Variants in HIF1A observed in about 807,000 individuals in gnomAD.
HIF1A encodes the protein hypoxia-inducible factor 1-alpha.
HIF1A carries 24 observed loss-of-function variants against 92.7 expected under a neutral mutation model. The ratio of observed to expected loss-of-function variants is 0.26; its 90% CI spans 0.19 to 0.36. The LOEUF is 0.36. Among genes scored for constraint, HIF1A ranks in the 10% least tolerant of loss-of-function variants. The pLI is 1.00. For missense variants in HIF1A, 799 were observed against 998.5 expected (o/e 0.80, Z 2.69); for synonymous variants, 319 against 338.7 (o/e 0.94, Z 0.64).
At chr14:61,730,786 C>T (rs760586112) in intron 6 of HIF1A, among the ~76,000 whole-genome samples, 7 of 152,014 alleles carry the variant, frequency 4.6e-5, no homozygotes, top group South Asian at 4.1e-4. Context: ...AGAATAATGC[C>T]GGGCACACAT....
chr14:61,723,500 T>G lies in HIF1A; in HGVS notation c.457+1677T>G, dbSNP rs113246143. 5.9e-3 allele frequency among the ~76,000 whole-genome samples: 905 copies of G among 152,372 alleles called. 13 individuals carry two copies. Among genetic ancestry groups the G allele is most frequent in the African/African-American group, 0.02 (844 of 41,592 alleles). ...ATTCTCACATTCTGTCTTTTTTCAC[T>G]CTGTCAGCAGGACCTGACTCCTGTT... On this transcript the variant is annotated intron_variant, in intron 4 of 14. Transcript: ENST00000337138.
chr14:61,705,320 G>A (rs954300510), intron 1 of HIF1A, among the ~76,000 whole-genome samples: 1 of 152,138 alleles, frequency 6.6e-6, no homozygotes, highest in African/African-American at 2.4e-5. Flanking sequence ...TCATTTAGAT[G>A]ATGTAGAATA....
At chr14:61,704,477 AG>A (rs1383862579) in intron 1 of HIF1A, among the ~76,000 whole-genome samples, 1 of 152,170 alleles carries the variant, frequency 6.6e-6, no homozygotes, top group African/African-American at 2.4e-5. Flanking sequence ...ATGTTAAAGG[AG>A]GGGGAAATTA....
intron 1 of HIF1A, among the ~76,000 whole-genome samples, chr14:61,702,766 G>A (rs1444640244): frequency 1.3e-5 from 2 of 152,114 alleles, no homozygotes; most frequent in African/African-American, 4.8e-5. Context: ...CTACACAGGT[G>A]CACAAAGAAA....
rs769316153 is a variant in HIF1A, at chr14:61,747,105, C to A, written c.*20C>A. The A allele has an allele frequency of 3.8e-6, 6 of 1,591,848 alleles. No individual in the cohort carries two copies. The East Asian group carries it at 1.3e-4, about 36-fold the overall frequency. Reference sequence around the variant, plus strand: ...AACTGAGCTTTTTCTTAATTTCATTCCTTTTTTTGGACACTGGTGGCTCAT... The same window carrying A: ...AACTGAGCTTTTTCTTAATTTCATTACTTTTTTTGGACACTGGTGGCTCAT... On this transcript the variant is annotated 3_prime_UTR_variant, in exon 15 of 15. Transcript: ENST00000337138.
chr14:61,695,973 T>A lies in HIF1A; in HGVS notation c.35+134T>A, dbSNP rs2044109241. The A allele has an allele frequency of 6.6e-5, 49 of 744,988 alleles. No homozygotes were observed. In the South Asian group the frequency reaches 8.8e-4, roughly 13 times the overall value. 46.1% of individuals were successfully genotyped at this position (744,988 alleles called of 1,614,324 possible). ...CTTTTTGTTTCTGCTGCTGCTCCCCTCCCCTCTCTTCCCCCAACCTCGCCG... is the reference window on the plus strand; with the variant it reads ...CTTTTTGTTTCTGCTGCTGCTCCCCACCCCTCTCTTCCCCCAACCTCGCCG... On this transcript the variant is annotated intron_variant, in intron 1 of 14. Coordinates refer to ENST00000337138, the MANE Select transcript of HIF1A (RefSeq NM_001530.4).
chr14:61,745,628 GT>G, intron 13 of HIF1A, 62 bp from the exon 14 acceptor site: 1 of 1,395,654 alleles, frequency 7.2e-7, no homozygotes, highest in Non-Finnish European at 1.0e-6. Context: ...CAATTTCAAG[GT>G]TTTTGGTTGT....
chr14:61,698,824 G>A lies in HIF1A; in HGVS notation c.35+2985G>A, dbSNP rs867097431. 5 of 152,136 alleles carry A rather than the reference G, an allele frequency of 3.3e-5. No individual in the cohort carries two copies. In the South Asian group the frequency reaches 6.2e-4, roughly 19 times the overall value. The allele number at this position is 152,136 out of a possible 1,614,324, so 9.4% of individuals were successfully genotyped here. A position where few individuals can be genotyped will look rare whatever the true frequency, so the allele number is the denominator to read the frequency against. ...CTGCTTCACAATTGCTCACCCCTGT[G>A]TTTTCTCCCCAAATAGAATACTGAG... On this transcript the variant is annotated intron_variant, in intron 1 of 14. Transcript: ENST00000337138.
chr14:61,743,462 G>A (rs879733223), intron 12 of HIF1A, among the ~76,000 whole-genome samples: 16 of 152,096 alleles, frequency 1.1e-4, no homozygotes, highest in African/African-American at 2.7e-4. Context: ...CATTAAAAAC[G>A]TAATTACTAA....
Position 61,711,047 on chromosome 14 carries a change from CAAAAA to C in HIF1A, c.36-9320_36-9316del, listed in dbSNP as rs60358775. Reference sequence around the variant, plus strand: ...TGGGCAACAGTGCGAGACTCTGTCTCAAAAAAAAAAAAAAAAAAAGGCAATAGGAT... The same window carrying C: ...TGGGCAACAGTGCGAGACTCTGTCTCAAAAAAAAAAAAAAGGCAATAGGAT... On this transcript the variant is annotated intron_variant, in intron 1 of 14. Transcript: ENST00000337138. 4.6e-3 allele frequency among the ~76,000 whole-genome samples: 517 copies of C among 113,452 alleles called. 4 individuals are homozygous for C. The highest frequency in any genetic ancestry group is 0.014 in the African/African-American group (453 of 31,904). 74.4% of individuals were successfully genotyped at this position (113,452 alleles called of 152,430 possible).
chr14:61,722,135 G>C lies in HIF1A; in HGVS notation c.457+312G>C, dbSNP rs564447709. ...GGGTCTCGCTCTTTTGCCCATGCTGGAGTGCAGTGGCACAATCAGCTGACT... is the reference window on the plus strand; with the variant it reads ...GGGTCTCGCTCTTTTGCCCATGCTGCAGTGCAGTGGCACAATCAGCTGACT... On this transcript the variant is annotated intron_variant, in intron 4 of 14. Transcript: ENST00000337138. Among the ~76,000 whole-genome samples the C allele has an allele frequency of 5.3e-5, 8 of 150,884 alleles. No individual in the cohort carries two copies. In the South Asian group the frequency reaches 1.5e-3, roughly 28 times the overall value.
At chr14:61,695,900 C>G in intron 1 of HIF1A, 61 bp downstream of exon 1, 1 of 1,468,454 alleles carries the variant, frequency 6.8e-7, no homozygotes, top group Non-Finnish European at 9.3e-7. Flanking sequence ...CCTGCCCGCC[C>G]TGGGCTCCTG....
chr14:61,722,231 C>T (rs1048472446), intron 4 of HIF1A, among the ~76,000 whole-genome samples: 4 of 152,050 alleles, frequency 2.6e-5, no homozygotes, highest in Admixed American at 2.0e-4. Context: ...ACCACAGACG[C>T]GTGCTACCAT....
At chr14:61,742,565 G>A (rs577914502) in intron 12 of HIF1A, among the ~76,000 whole-genome samples, 1 of 152,212 alleles carries the variant, frequency 6.6e-6, no homozygotes, top group South Asian at 2.1e-4. Context: ...CTTAGCTCAT[G>A]ACCTAATGTG....
intron 1 of HIF1A, among the ~76,000 whole-genome samples, chr14:61,705,003 C>T (rs759687604): frequency 2.6e-5 from 4 of 152,102 alleles, no homozygotes; most frequent in Non-Finnish European, 5.9e-5. Context: ...CCACCACAGG[C>T]GCATTGGCCA....
intron 1 of HIF1A, among the ~76,000 whole-genome samples, chr14:61,696,270 CA>C (rs1157917525): frequency 1.3e-5 from 2 of 152,284 alleles, no homozygotes; most frequent in African/African-American, 4.8e-5. Flanking sequence ...TTCCCGCCCC[CA>C]TCCTCTCCAG....
chr14:61,735,824 A>G (rs750748643), intron 8 of HIF1A, among the ~76,000 whole-genome samples: 3 of 152,154 alleles, frequency 2.0e-5, no homozygotes, highest in Admixed American at 6.5e-5. Context: ...CTTTAGGACT[A>G]TCCTTAGATC....
chr14:61,703,682 A>T (rs1159792599), intron 1 of HIF1A, among the ~76,000 whole-genome samples: 1 of 151,992 alleles, frequency 6.6e-6, no homozygotes, highest in East Asian at 1.9e-4. Flanking sequence ...TCAGTTTCCT[A>T]GAAGAAAACG....
chr14:61,702,526 GA>G (rs2044190289), intron 1 of HIF1A, among the ~76,000 whole-genome samples: 1 of 151,260 alleles, frequency 6.6e-6, no homozygotes, highest in East Asian at 1.9e-4. Context: ...GAAAGTTAAA[GA>G]ATCTCCTTTG....
Sources: allele counts gnomAD v4.1 joint callset (sites outside exome capture counted in the v4.1 genomes callset), GRCh38; gene constraint gnomAD v4.1.1; transcripts MANE v1.5; gene names NCBI Gene and HGNC (gene_info 2026-07-23, HGNC 2026-07-21).